Variants in MYO3B observed in about 807,000 individuals in gnomAD.
MYO3B encodes myosin-IIIb.
MYO3B carries 156 observed loss-of-function variants against 174.6 expected under a neutral mutation model. The observed-to-expected ratio is 0.89, with a 90% confidence interval of 0.78 to 1.02. The LOEUF is 1.02. MYO3B is among the 50% of genes least tolerant of loss of function. The probability of loss-of-function intolerance (pLI) is 0.00; values close to 1 mark genes in which losing one functional copy is unlikely to be tolerated. For missense variants in MYO3B, 1,632 were observed against 1,639.4 expected (o/e 1.00, Z 0.08); for synonymous variants, 563 against 569.1 (o/e 0.99, Z 0.15).
intron 32 of MYO3B, among the ~76,000 whole-genome samples, chr2:170,629,103 G>A (rs1696714014): frequency 6.6e-6 from 1 of 152,216 alleles, no homozygotes; most frequent in Admixed American, 6.5e-5. Flanking sequence ...AACAAACTCT[G>A]TTCTGTGTAA....
At position 170,373,128 on chromosome 2, in the gene MYO3B, T is replaced by C. The variant is rs1237718436; in HGVS notation, c.971+3751T>C. Among the ~76,000 whole-genome samples, 3 of 152,184 alleles carry C rather than the reference T, an allele frequency of 2.0e-5. 1 individual carries two copies. The East Asian group carries it at 5.8e-4, about 29-fold the overall frequency. The stretch of plus-strand genomic sequence containing the variant: ...CAGGGAACTAGTGAGCAGATCATAG[T>C]AATTACAAATGGCAGAAGATATTAA... On this transcript the variant is annotated intron_variant, in intron 9 of 34. Transcript: ENST00000408978.
intron 22 of MYO3B, among the ~76,000 whole-genome samples, chr2:170,415,565 A>G (rs574121904): frequency 2.0e-5 from 3 of 152,362 alleles, no homozygotes; most frequent in Admixed American, 1.3e-4. Flanking sequence ...TATAGTAAGC[A>G]TTCAATATAT....
At chr2:170,337,105 A>G (rs370096308) in intron 8 of MYO3B, among the ~76,000 whole-genome samples, 159 of 152,066 alleles carry the variant, frequency 1.0e-3, no homozygotes, top group African/African-American at 3.5e-3. Flanking sequence ...GTTGAGAGGA[A>G]AAACAGATAC....
At chr2:170,477,707 G>A (rs1453821152) in intron 25 of MYO3B, among the ~76,000 whole-genome samples, 1 of 150,412 alleles carries the variant, frequency 6.6e-6, no homozygotes. Context: ...CTACATACTA[G>A]ATTCCAACAC....
chr2:170,301,160 A>G lies in MYO3B; in HGVS notation c.750-34225A>G, dbSNP rs1233953639. On this transcript the variant is annotated intron_variant, in intron 7 of 34. Transcript: ENST00000408978. ...ACCATTTACTTGTCAGTGTGTGGTG[A>G]GCACTCAGCTTGACTGTAATGACCA... Among the ~76,000 whole-genome samples the G allele has an allele frequency of 3.9e-5, 6 of 152,348 alleles. No individual in the cohort carries two copies. In the South Asian group the frequency reaches 1.0e-3, roughly 26 times the overall value.
chr2:170,386,763 A>G (rs1413014360), intron 13 of MYO3B, among the ~76,000 whole-genome samples: 1 of 152,244 alleles, frequency 6.6e-6, no homozygotes, highest in African/African-American at 2.4e-5. Flanking sequence ...TGGAATTTTT[A>G]TAGATAAGGT....
chr2:170,578,884 A>G (rs537036942), intron 32 of MYO3B, among the ~76,000 whole-genome samples: 2 of 152,332 alleles, frequency 1.3e-5, no homozygotes, highest in African/African-American at 4.8e-5. Context: ...AGCGCTTAGC[A>G]TTTTCTTAGA....
intron 9 of MYO3B, among the ~76,000 whole-genome samples, chr2:170,371,440 A>G (rs367921341): frequency 1.8e-4 from 28 of 152,076 alleles, no homozygotes; most frequent in African/African-American, 4.8e-4. Context: ...AAAAAAATAC[A>G]ACCTCACAAA....
chr2:170,403,658 G>A (rs114392543), intron 19 of MYO3B, among the ~76,000 whole-genome samples: 1,926 of 152,312 alleles, frequency 0.013, 39 homozygotes, highest in African/African-American at 0.043. Flanking sequence ...CCTCTTCGAT[G>A]CAGGGATAAT....
chr2:170,328,641 A>G (rs568448916), intron 7 of MYO3B, among the ~76,000 whole-genome samples: 2 of 152,192 alleles, frequency 1.3e-5, no homozygotes, highest in African/African-American at 4.8e-5. Context: ...AAGCCATTTC[A>G]GCCTTCTTTC....
chr2:170,216,752 A>G (rs529585740), intron 5 of MYO3B, among the ~76,000 whole-genome samples: 2 of 152,346 alleles, frequency 1.3e-5, no homozygotes, highest in East Asian at 3.9e-4. Context: ...CTTTCTCCAT[A>G]AAATGAAGCC....
rs754255993 is a variant in MYO3B at position 170,404,309 on chromosome 2, C to T, written c.2340C>T (p.Leu780=). The T allele has an allele frequency of 6.2e-7, 1 of 1,613,734 alleles. No individual in the cohort carries two copies. The highest frequency in any genetic ancestry group is 1.7e-5 in the Admixed American group (1 of 59,970). Residue 780 remains leucine, a synonymous_variant, in exon 20 of 35, where the codon CTC becomes CTT. Coordinates refer to ENST00000408978, the MANE Select transcript of MYO3B (RefSeq NM_138995.5). Reference sequence around the variant, plus strand: ...TGGAATATGAGGACAACCGCCCGCTCTTGGACATGTTCCTCCAGAAACCCC... The same window carrying T: ...TGGAATATGAGGACAACCGCCCGCTTTTGGACATGTTCCTCCAGAAACCCC... The part of the protein sequence containing the change: ...VPVEYEDNRP[L]LDMFLQKPLG...
intron 1 of MYO3B, among the ~76,000 whole-genome samples, chr2:170,180,795 C>T (rs905502656): frequency 4.6e-5 from 7 of 152,206 alleles, no homozygotes; most frequent in Admixed American, 4.6e-4. Flanking sequence ...GAGACATACA[C>T]ACAAATATAC....
At chr2:170,220,109 T>G (rs1333653292) in intron 6 of MYO3B, among the ~76,000 whole-genome samples, 1 of 151,188 alleles carries the variant, frequency 6.6e-6, no homozygotes, top group East Asian at 2.0e-4. Context: ...ATACAAAAAA[T>G]TAGCTGGGCA....
chr2:170,542,129 G>C (rs1000399435), intron 30 of MYO3B, among the ~76,000 whole-genome samples: 2 of 152,136 alleles, frequency 1.3e-5, no homozygotes, highest in African/African-American at 4.8e-5. Flanking sequence ...ACATGTGTGC[G>C]TGTGTGTGAG....
intron 3 of MYO3B, among the ~76,000 whole-genome samples, chr2:170,205,106 T>G (rs2105347571): frequency 6.6e-6 from 1 of 152,332 alleles, no homozygotes; most frequent in South Asian, 2.1e-4. Context: ...CAGACAGCTC[T>G]TATACTCTGA....
chr2:170,290,806 C>G (rs1553584552), intron 7 of MYO3B, among the ~76,000 whole-genome samples: 1 of 151,698 alleles, frequency 6.6e-6, no homozygotes, highest in Non-Finnish European at 1.5e-5. Flanking sequence ...GTATGTTTTA[C>G]TCTTTTGCTT....
chr2:170,292,339 T>C (rs1239126556), intron 7 of MYO3B, among the ~76,000 whole-genome samples: 1 of 152,224 alleles, frequency 6.6e-6, no homozygotes, highest in African/African-American at 2.4e-5. Context: ...TGTGTTACCT[T>C]GGAGATCACT....
chr2:170,208,002 C>G (rs1026661566), intron 3 of MYO3B, among the ~76,000 whole-genome samples: 2 of 152,172 alleles, frequency 1.3e-5, no homozygotes, highest in Non-Finnish European at 2.9e-5. Flanking sequence ...TATGCCCTAT[C>G]TCCTCTGCTG....
Sources: gnomAD v4.1 joint callset for allele counts (sites outside exome capture counted in the v4.1 genomes callset) on GRCh38, gnomAD v4.1.1 for gene constraint, MANE v1.5 for transcripts, NCBI Gene and HGNC (gene_info 2026-07-23, HGNC 2026-07-21) for gene names.